The following ZNF365 variants were observed in gnomAD, a reference collection of about 807,000 sequenced individuals.
The protein encoded by ZNF365 is protein ZNF365.
ZNF365 carries 22 observed loss-of-function variants against 35.0 expected under a neutral mutation model. The ratio of observed to expected loss-of-function variants is 0.63; its 90% CI spans 0.45 to 0.90. ZNF365 has a LOEUF of 0.90. Ranked by LOEUF, ZNF365 falls within the 40% of genes least tolerant of loss-of-function variation. The probability of loss-of-function intolerance (pLI) is 0.00; values close to 1 mark genes in which losing one functional copy is unlikely to be tolerated. For synonymous variants in ZNF365, 188 were observed against 196.2 expected, an observed-to-expected ratio of 0.96 and a Z score of 0.35; for missense variants, 448 against 500.3, an observed-to-expected ratio of 0.90 and a Z score of 1.00.
chr10:62,404,269 G>C (rs965334203), downstream of ZNF365, among the ~76,000 whole-genome samples: 9 of 152,202 alleles, frequency 5.9e-5, no homozygotes, highest in Non-Finnish European at 1.3e-4. Flanking sequence ...CCAATGTCCT[G>C]TGAGAAGAGG....
chr10:62,471,315 G>T (rs750244579), intron 4 of ZNF365, among the ~76,000 whole-genome samples: 11 of 148,056 alleles, frequency 7.4e-5, no homozygotes, highest in Non-Finnish European at 1.5e-4. Flanking sequence ...GCAGTGAGCC[G>T]AGATTGTGCC....
At chr10:62,453,760 A>C (rs896402843) in intron 3 of ZNF365, among the ~76,000 whole-genome samples, 2 of 152,236 alleles carry the variant, frequency 1.3e-5, no homozygotes, top group Non-Finnish European at 1.5e-5. Context: ...CAAGGAAATA[A>C]ATATGAAAGT....
chr10:62,401,730 T>C lies in ZNF365; in HGVS notation c.*1941T>C, dbSNP rs1839832928. On this transcript the variant is annotated 3_prime_UTR_variant, in exon 5 of 5. Coordinates refer to ENST00000395254, the MANE Select transcript of ZNF365 (RefSeq NM_014951.3). ...GTATTGCATGCTCTTTGTCCTGTAA[T>C]GTGTGTGCAATGACAACTTGTTTCT... is the stretch of plus-strand genomic sequence containing the variant. The C allele has an allele frequency of 1.0e-6, 1 of 985,438 alleles. No individual in the cohort carries two copies. Among genetic ancestry groups the C allele is most frequent in the Non-Finnish European group, 1.2e-6 (1 of 829,930 alleles). 61.0% of individuals were successfully genotyped at this position (985,438 alleles called of 1,614,324 possible).
intron 3 of ZNF365, among the ~76,000 whole-genome samples, chr10:62,449,003 G>T (rs998973696): frequency 6.6e-6 from 1 of 152,182 alleles, no homozygotes; most frequent in Non-Finnish European, 1.5e-5. Flanking sequence ...TGTTTTCACT[G>T]TTAGAGATGA....
At chr10:62,388,945 A>G (rs761494504) in intron 3 of ZNF365, among the ~76,000 whole-genome samples, 2 of 152,192 alleles carry the variant, frequency 1.3e-5, no homozygotes, top group Non-Finnish European at 2.9e-5. Context: ...GGAGGTCTTC[A>G]AGAGAATCTT....
At chr10:62,467,707 G>T (rs1057497501) in intron 4 of ZNF365, among the ~76,000 whole-genome samples, 10 of 152,172 alleles carry the variant, frequency 6.6e-5, no homozygotes, top group African/African-American at 2.4e-4. Context: ...AGAACTGTCT[G>T]AAACAATGAA....
chr10:62,394,917 G>A (rs1839697534), intron 3 of ZNF365, among the ~76,000 whole-genome samples: 1 of 152,198 alleles, frequency 6.6e-6, no homozygotes, highest in African/African-American at 2.4e-5. Flanking sequence ...CACTGCTTTT[G>A]TAGTGCAGCC....
Position 62,399,794 on chromosome 10 carries a change from G to C in ZNF365, c.*5G>C, listed in dbSNP as rs568764435. 1 of 1,610,638 alleles carries C rather than the reference G, an allele frequency of 6.2e-7. No homozygotes were observed. Among genetic ancestry groups the C allele is most frequent in the African/African-American group, 1.3e-5 (1 of 74,894 alleles). ...GCCATTGTGAACATCATCTAAAAGG[G>C]TGGGTGGTGCTGGACCAATCATCGC... On this transcript the variant is annotated 3_prime_UTR_variant, in exon 5 of 5. Coordinates refer to ENST00000395254, the MANE Select transcript of ZNF365 (RefSeq NM_014951.3).
chr10:62,392,430 A>G (rs1839646547), intron 3 of ZNF365, among the ~76,000 whole-genome samples: 1 of 152,198 alleles, frequency 6.6e-6, no homozygotes, highest in African/African-American at 2.4e-5. Flanking sequence ...GTGAGAGATG[A>G]AGATCCAGTT....
Position 62,400,598 on chromosome 10 carries a change from G to T in ZNF365, c.*809G>T, listed in dbSNP as rs1320450615. Reference sequence around the variant, plus strand: ...TTTTGATTAGCACCCAGCATGGGCTGGGTGGCTAGGTGGTTGGAATGACAG... The same window carrying T: ...TTTTGATTAGCACCCAGCATGGGCTTGGTGGCTAGGTGGTTGGAATGACAG... On this transcript the variant is annotated 3_prime_UTR_variant, in exon 5 of 5. Transcript: ENST00000395254. 47 of 985,816 alleles carry T rather than the reference G, an allele frequency of 4.8e-5. No homozygotes were observed. Among genetic ancestry groups the T allele is most frequent in the Admixed American group, 1.8e-4 (3 of 16,260 alleles). The allele number at this position is 985,816 out of a possible 1,614,324, so 61.1% of individuals were successfully genotyped here. A position where few individuals can be genotyped will look rare whatever the true frequency, so the allele number is the denominator to read the frequency against.
At chr10:62,456,153 G>A (rs1316423021) in intron 3 of ZNF365, among the ~76,000 whole-genome samples, 1 of 152,014 alleles carries the variant, frequency 6.6e-6, no homozygotes, top group Non-Finnish European at 1.5e-5. Flanking sequence ...ACAAGAGGCT[G>A]CATTTTAAAT....
downstream of ZNF365, chr10:62,402,543 G>A (rs1370475973): frequency 1.3e-6 from 1 of 776,706 alleles, no homozygotes; most frequent in Non-Finnish European, 1.6e-6. Flanking sequence ...TCCTGAATAA[G>A]CTGTTCATCA....
intron 4 of ZNF365, among the ~76,000 whole-genome samples, chr10:62,460,564 C>A (rs1840831176): frequency 6.6e-6 from 1 of 152,042 alleles, no homozygotes; most frequent in African/African-American, 2.4e-5. Flanking sequence ...CCATGGTTGA[C>A]CATGGGTAAC....
At chr10:62,408,001 C>T (rs2132436834) in intron 3 of ZNF365, among the ~76,000 whole-genome samples, 1 of 152,246 alleles carries the variant, frequency 6.6e-6, no homozygotes, top group South Asian at 2.1e-4. Flanking sequence ...GTTACAGCAG[C>T]CATAGAAAAT....
intron 3 of ZNF365, among the ~76,000 whole-genome samples, chr10:62,438,062 G>A (rs958970868): frequency 1.3e-5 from 2 of 152,154 alleles, no homozygotes; most frequent in Admixed American, 6.5e-5. Flanking sequence ...ACAGATAGGA[G>A]CATTTATTCA....
At chr10:62,396,752 T>C (rs1043800290) in intron 3 of ZNF365, among the ~76,000 whole-genome samples, 1 of 152,186 alleles carries the variant, frequency 6.6e-6, no homozygotes, top group Non-Finnish European at 1.5e-5. Context: ...ACACATGTAT[T>C]TGTTCTCTCT....
At chr10:62,381,826 C>T (rs1284966557) in intron 2 of ZNF365, among the ~76,000 whole-genome samples, 1 of 152,192 alleles carries the variant, frequency 6.6e-6, no homozygotes, top group African/African-American at 2.4e-5. Flanking sequence ...TAATTTCCAT[C>T]CTACTCCCTT....
At chr10:62,374,835 T>C (rs576396926) in intron 1 of ZNF365, among the ~76,000 whole-genome samples, 1 of 152,292 alleles carries the variant, frequency 6.6e-6, no homozygotes, top group East Asian at 1.9e-4. Flanking sequence ...CCTTTTCCCA[T>C]TGCCCCCTTA....
chr10:62,382,121 C>G (rs1462870205), intron 2 of ZNF365, among the ~76,000 whole-genome samples: 1 of 152,140 alleles, frequency 6.6e-6, no homozygotes, highest in Non-Finnish European at 1.5e-5. Context: ...GGTTTTTTTC[C>G]AGAGCTGACC....
Sources: allele counts gnomAD v4.1 joint callset (sites outside exome capture counted in the v4.1 genomes callset), GRCh38; gene constraint gnomAD v4.1.1; transcripts MANE v1.5; gene names NCBI Gene and HGNC (gene_info 2026-07-23, HGNC 2026-07-21).